The following SCHIP1 variants were observed in gnomAD, a reference collection of about 807,000 sequenced individuals.
SCHIP1 encodes the protein schwannomin-interacting protein 1.
In SCHIP1, 8 loss-of-function variants were observed where a neutral mutation model predicts 29.7. The observed-to-expected ratio is 0.27, with a 90% CI of 0.16 to 0.49. SCHIP1 has a LOEUF of 0.49. SCHIP1 is among the 20% of genes least tolerant of loss of function. The pLI is 0.99. For synonymous variants in SCHIP1, 76 were observed against 94.9 expected (o/e 0.80, Z 1.16); for missense variants, 193 against 294.6 (o/e 0.66, Z 2.52).
the SCHIP1 span, among the ~76,000 whole-genome samples, chr3:159,403,536 C>T: frequency 6.6e-6 from 1 of 152,170 alleles, no homozygotes; most frequent in Non-Finnish European, 1.5e-5. Context: ...CTGTGCTGCC[C>T]TGTCACAGTG....
the SCHIP1 span, among the ~76,000 whole-genome samples, chr3:159,300,911 T>C: frequency 6.6e-6 from 1 of 152,202 alleles, no homozygotes; most frequent in Admixed American, 6.6e-5. Flanking sequence ...ATATGCTGTT[T>C]CTTAAATATC....
chr3:159,651,182 T>G, the SCHIP1 span, among the ~76,000 whole-genome samples: 1 of 152,228 alleles, frequency 6.6e-6, no homozygotes, highest in Non-Finnish European at 1.5e-5. Flanking sequence ...ATACAATTCA[T>G]TACCTAAATA....
the SCHIP1 span, among the ~76,000 whole-genome samples, chr3:159,556,923 T>C: frequency 6.7e-6 from 1 of 148,798 alleles, no homozygotes; most frequent in East Asian, 2.0e-4. Flanking sequence ...ATAATAATAA[T>C]AAAATAAAAT....
intron 2 of SCHIP1, among the ~76,000 whole-genome samples, chr3:159,879,489 C>T (rs1716221050): frequency 6.6e-6 from 1 of 152,140 alleles, no homozygotes; most frequent in Admixed American, 6.5e-5. Context: ...AAATGCCTGG[C>T]ACTTAGTAGA....
At chr3:159,649,299 C>A in the SCHIP1 span, among the ~76,000 whole-genome samples, 2 of 152,110 alleles carry the variant, frequency 1.3e-5, no homozygotes, top group Non-Finnish European at 2.9e-5. Flanking sequence ...TCTCTCTCTA[C>A]CCCAAAAGTG....
At chr3:159,684,317 AC>A in the SCHIP1 span, among the ~76,000 whole-genome samples, 3 of 151,738 alleles carry the variant, frequency 2.0e-5, no homozygotes, top group Non-Finnish European at 4.4e-5. Context: ...TCCTTCAAAA[AC>A]CCTAATAAGG....
At chr3:159,735,418 G>A in the SCHIP1 span, among the ~76,000 whole-genome samples, 1 of 151,902 alleles carries the variant, frequency 6.6e-6, no homozygotes, top group Non-Finnish European at 1.5e-5. Context: ...TTGTAGAGAT[G>A]GGGATTTTAC....
the SCHIP1 span, among the ~76,000 whole-genome samples, chr3:159,359,275 C>A: frequency 1.3e-5 from 2 of 152,046 alleles, no homozygotes; most frequent in Admixed American, 1.3e-4. Context: ...CAATTATATG[C>A]TGATAGGTTT....
chr3:159,873,291 G>A (rs1049647465), intron 2 of SCHIP1, among the ~76,000 whole-genome samples: 3 of 152,312 alleles, frequency 2.0e-5, no homozygotes, highest in Admixed American at 6.5e-5. Context: ...AGGTGAGTGG[G>A]ATCTTTGGCA....
chr3:159,774,081 A>G, the SCHIP1 span, among the ~76,000 whole-genome samples: 128 of 152,370 alleles, frequency 8.4e-4, no homozygotes, highest in Non-Finnish European at 1.6e-3. Flanking sequence ...GAGAGCAAGA[A>G]ATAGAAAAAT....
chr3:159,685,331 T>C, the SCHIP1 span, among the ~76,000 whole-genome samples: 1 of 152,224 alleles, frequency 6.6e-6, no homozygotes, highest in Non-Finnish European at 1.5e-5. Context: ...ACAAAGCCAT[T>C]TCATGTCTTA....
chr3:159,689,898 G>A, the SCHIP1 span, among the ~76,000 whole-genome samples: 3 of 152,094 alleles, frequency 2.0e-5, no homozygotes, highest in Non-Finnish European at 2.9e-5. Context: ...GATGGATTAC[G>A]CTTATTGATT....
the SCHIP1 span, among the ~76,000 whole-genome samples, chr3:159,510,294 C>A: frequency 6.6e-6 from 1 of 152,178 alleles, no homozygotes; most frequent in Admixed American, 6.5e-5. Flanking sequence ...TCACATAGTT[C>A]TCGTGCCATG....
the SCHIP1 span, among the ~76,000 whole-genome samples, chr3:159,680,669 A>T: frequency 2.5e-4 from 3 of 11,816 alleles, no homozygotes; most frequent in African/African-American, 6.5e-4. Context: ...TAAAATATAT[A>T]TTATATATAT....
At chr3:159,717,699 A>G in the SCHIP1 span, among the ~76,000 whole-genome samples, 1 of 152,214 alleles carries the variant, frequency 6.6e-6, no homozygotes. Context: ...GAATCCCTGA[A>G]TAGACCAATA....
At chr3:159,516,254 T>TA in the SCHIP1 span, among the ~76,000 whole-genome samples, 2 of 152,168 alleles carry the variant, frequency 1.3e-5, no homozygotes, top group Non-Finnish European at 2.9e-5. Flanking sequence ...AATCTGTCTA[T>TA]ATGGACATCA....
chr3:159,828,376 C>CACATATATATATATAT, the SCHIP1 span, among the ~76,000 whole-genome samples: 1 of 75,710 alleles, frequency 1.3e-5, no homozygotes, highest in African/African-American at 6.5e-5. Flanking sequence ...TATATATATA[C>CACATATATATATATAT]ATATATATAT....
At chr3:159,428,247 A>G in the SCHIP1 span, among the ~76,000 whole-genome samples, 1 of 152,234 alleles carries the variant, frequency 6.6e-6, no homozygotes, top group Non-Finnish European at 1.5e-5. Context: ...CTACCGTCAG[A>G]GTGAACAGGC....
intron 6 of SCHIP1, 95 bp from the exon 8 acceptor site, chr3:159,896,628 C>T: frequency 7.8e-7 from 1 of 1,275,504 alleles, no homozygotes; most frequent in Non-Finnish European, 1.0e-6. Context: ...GTCAGTAACT[C>T]TGAACTTCAG....
Sources: gnomAD v4.1 joint callset for allele counts (sites outside exome capture counted in the v4.1 genomes callset) on GRCh38, gnomAD v4.1.1 for gene constraint, MANE v1.5 for transcripts, NCBI Gene and HGNC (gene_info 2026-07-23, HGNC 2026-07-21) for gene names.